The following PAGR1 variants were observed in gnomAD, a reference collection of about 807,000 sequenced individuals.
PAGR1 encodes the protein PAXIP1-associated glutamate-rich protein 1.
In PAGR1, 20 loss-of-function variants were observed where a neutral mutation model predicts 22.4. That is an observed-to-expected ratio of 0.89 (90% CI 0.63 to 1.30). The LOEUF (loss-of-function observed/expected upper bound fraction) is 1.30. PAGR1 is among the 50% of genes most tolerant of loss of function. The probability of loss-of-function intolerance (pLI) is 0.00; values close to 1 mark genes in which losing one functional copy is unlikely to be tolerated. For missense variants in PAGR1, 338 were observed against 343.6 expected (o/e 0.98, Z 0.13); for synonymous variants, 161 against 148.3 (o/e 1.09, Z -0.62).
chr16:29,817,222 C>A lies in PAGR1; in HGVS notation c.495C>A (p.Pro165=). 2 of 1,614,038 alleles carry A rather than the reference C, an allele frequency of 1.2e-6. No individual in the cohort carries two copies. The highest frequency in any genetic ancestry group is 1.7e-6 in the Non-Finnish European group (2 of 1,179,988). ...KEEEEEKPHM[P]TEFDFDDEPV... ...TCACCTGTCCCAGACCACACATGCC[C>A]ACGGAATTTGATTTTGATGATGAGC... The change falls in exon 2 of 3, where the codon CCC becomes CCA. Residue 165 remains proline (P), a synonymous_variant. Coordinates refer to ENST00000320330, the MANE Select transcript of PAGR1 (RefSeq NM_024516.4).
In PAGR1 at chr16:29,822,229, T is replaced by G. The variant is rs755164361; in HGVS notation, c.*2475T>G. On this transcript the variant is annotated 3_prime_UTR_variant, in exon 3 of 3. Coordinates refer to ENST00000320330, the MANE Select transcript of PAGR1 (RefSeq NM_024516.4). Reference sequence around the variant, plus strand: ...CGGTTCTTGCCTCTGGTGACTGGTGTTAATTGGCAGGAGTGGGAGGAGGGA... The same window carrying G: ...CGGTTCTTGCCTCTGGTGACTGGTGGTAATTGGCAGGAGTGGGAGGAGGGA... Among the ~76,000 whole-genome samples the G allele has an allele frequency of 5.3e-5, 8 of 151,482 alleles. No homozygotes were observed. The highest frequency in any genetic ancestry group is 1.2e-4 in the Non-Finnish European group (8 of 67,890).
chr16:29,817,334 C>CGGCTCAGTTACCCA (rs775642286), intron 2 of PAGR1, 42 bp downstream of exon 2: 1 of 1,597,664 alleles, frequency 6.3e-7, no homozygotes, highest in East Asian at 2.3e-5. Context: ...TGAAGGGCCT[C>CGGCTCAGTTACCCA]GGCTCAGTTA....
Position 29,816,452 on chromosome 16 carries a change from G to T in PAGR1, c.-74G>T, listed in dbSNP as rs1256905658. ...CTGGAAACGGTCCCGAACCCCCAGG[G>T]GAGCCCGATCCCTGGGGGACCCTGG... On this transcript the variant is annotated 5_prime_UTR_variant, in exon 1 of 3. Coordinates refer to ENST00000320330, the MANE Select transcript of PAGR1 (RefSeq NM_024516.4). The T allele has an allele frequency of 7.3e-7, 1 of 1,370,282 alleles. No homozygotes were observed. Among genetic ancestry groups the T allele is most frequent in the African/African-American group, 1.5e-5 (1 of 68,540 alleles). The allele number at this position is 1,370,282 out of a possible 1,614,324, so 84.9% of individuals were successfully genotyped here.
intron 1 of PAGR1, 54 bp from the exon 2 acceptor site, chr16:29,817,156 G>A (rs1335313950): frequency 1.2e-6 from 2 of 1,612,224 alleles, no homozygotes; most frequent in Non-Finnish European, 8.5e-7. Context: ...AGAAGCACAC[G>A]TGTGGGTGGG....
At position 29,820,674 on chromosome 16, in the gene PAGR1, C is replaced by T. The variant is rs1487174436; in HGVS notation, c.*920C>T. Among the ~76,000 whole-genome samples the T allele has an allele frequency of 6.6e-6, 1 of 152,122 alleles. No homozygotes were observed. The highest frequency in any genetic ancestry group is 1.5e-5 in the Non-Finnish European group (1 of 68,026). On this transcript the variant is annotated 3_prime_UTR_variant, in exon 3 of 3. Transcript: ENST00000320330. ...GGAAGGAGGATGGGTGGTGGCTTTG[C>T]TTTTGGAGGTTTCACTTTCCAATAG...
intron 1 of PAGR1, 30 bp from the exon 2 acceptor site, chr16:29,817,180 C>T: frequency 6.2e-7 from 1 of 1,613,832 alleles, no homozygotes; most frequent in Non-Finnish European, 8.5e-7. Context: ...GAGGACCGCC[C>T]TCACCCTTAA....
At chr16:29,819,339 T>G in intron 2 of PAGR1, 1 of 588,098 alleles carries the variant, frequency 1.7e-6, no homozygotes, top group South Asian at 2.1e-5. Flanking sequence ...GCCCAGTATG[T>G]TCCTCCCTGT....
intron 2 of PAGR1, chr16:29,818,156 C>G (rs1900286854): frequency 6.6e-6 from 1 of 152,256 alleles, no homozygotes; most frequent in Non-Finnish European, 1.5e-5. Flanking sequence ...ACCCCACATG[C>G]CTTCCTAGAA....
intron 2 of PAGR1, chr16:29,819,321 A>G: frequency 1.8e-6 from 1 of 548,966 alleles, no homozygotes; most frequent in Non-Finnish European, 3.3e-6. Flanking sequence ...TACCCTTGCC[A>G]TTCCCCTGCC....
chr16:29,817,014 G>C lies in PAGR1; in HGVS notation c.482+7G>C, dbSNP rs746218396. The C allele has an allele frequency of 6.4e-7, 1 of 1,564,074 alleles. No individual in the cohort carries two copies. The highest frequency in any genetic ancestry group is 1.2e-5 in the South Asian group (1 of 85,878). Reference sequence around the variant, plus strand: ...AAGAAGAGGAAGAGGAAAAGTAAAGGCACACCCTTACACCTTGTCCCGGGG... The same window carrying C: ...AAGAAGAGGAAGAGGAAAAGTAAAGCCACACCCTTACACCTTGTCCCGGGG... On this transcript the variant is annotated splice_region_variant and intron_variant, in intron 1 of 2. Transcript: ENST00000320330.
At position 29,816,444 on chromosome 16, in the gene PAGR1, C is replaced by T. The variant is rs370065976; in HGVS notation, c.-82C>T. On this transcript the variant is annotated 5_prime_UTR_variant, in exon 1 of 3. Coordinates refer to ENST00000320330, the MANE Select transcript of PAGR1 (RefSeq NM_024516.4). ...GTGATTGGCTGGAAACGGTCCCGAA[C>T]CCCCAGGGGAGCCCGATCCCTGGGG... The T allele has an allele frequency of 3.0e-6, 4 of 1,320,066 alleles. No homozygotes were observed. Among genetic ancestry groups the T allele is most frequent in the East Asian group, 5.5e-5 (2 of 36,426 alleles). The allele number at this position is 1,320,066 out of a possible 1,614,324, so 81.8% of individuals were successfully genotyped here.
At position 29,822,190 on chromosome 16, in the gene PAGR1, G is replaced by T. The variant is rs1224789146; in HGVS notation, c.*2436G>T. Among the ~76,000 whole-genome samples, 12 of 151,556 alleles carry T rather than the reference G, an allele frequency of 7.9e-5. No individual in the cohort carries two copies. The highest frequency in any genetic ancestry group is 1.8e-4 in the Non-Finnish European group (12 of 67,900). On this transcript the variant is annotated 3_prime_UTR_variant, in exon 3 of 3. Coordinates refer to ENST00000320330, the MANE Select transcript of PAGR1 (RefSeq NM_024516.4). ...GTGCTGAAGCCTGGTTCCTGGGGTC[G>T]CTTCTGATCTAGGCGGTTCTTGCCT...
chr16:29,817,037 G>A, intron 1 of PAGR1, 30 bp downstream of exon 1: 1 of 1,554,662 alleles, frequency 6.4e-7, no homozygotes, highest in African/African-American at 1.4e-5. Context: ...CCTTGTCCCG[G>A]GGCTGCTCCC....
At chr16:29,818,559 A>G (rs1447539513) in intron 2 of PAGR1, 1 of 152,086 alleles carries the variant, frequency 6.6e-6, no homozygotes, top group Non-Finnish European at 1.5e-5. Context: ...TAAAACATAA[A>G]TCATATCACT....
In PAGR1 at chr16:29,816,505, G is replaced by C; in HGVS notation, c.-21G>C. 6.8e-7 allele frequency: 1 copy of C among 1,476,508 alleles called. No homozygotes were observed. The allele number at this position is 1,476,508 out of a possible 1,614,324, so 91.5% of individuals were successfully genotyped here. On this transcript the variant is annotated 5_prime_UTR_variant, in exon 1 of 3. Transcript: ENST00000320330. ...TCGGACTCCAGTATCTGTCGTCGCAGGGTCCCTGCCCTAGTGGCCTATGTC... is the reference window on the plus strand; with the variant it reads ...TCGGACTCCAGTATCTGTCGTCGCACGGTCCCTGCCCTAGTGGCCTATGTC...
chr16:29,816,976 G>A lies in PAGR1; in HGVS notation c.451G>A (p.Glu151Lys). 6.4e-7 allele frequency: 1 copy of A among 1,569,044 alleles called. No homozygotes were observed. Among genetic ancestry groups the A allele is most frequent in the South Asian group, 1.2e-5 (1 of 86,174 alleles). ...GAGCGAAGAGGAGAGATCCGATGAG[G>A]AGCCGGAGGCCAAAGAAGAGGAAGA... ...AQSEEERSDE[E>K]PEAKEEEEEK... Residue 151 changes from glutamate (E) to lysine (K), a missense_variant, in exon 1 of 3, where the codon GAG becomes AAG. Coordinates refer to ENST00000320330, the MANE Select transcript of PAGR1 (RefSeq NM_024516.4).
At chr16:29,817,117 G>A in intron 1 of PAGR1, 93 bp from the exon 2 acceptor site, 1 of 1,547,286 alleles carries the variant, frequency 6.5e-7, no homozygotes, top group South Asian at 1.1e-5. Context: ...AGGGAGGGAA[G>A]CCAGCGGGGG....
chr16:29,819,005 C>T (rs1444797285), intron 2 of PAGR1, among the ~76,000 whole-genome samples: 1 of 151,608 alleles, frequency 6.6e-6, no homozygotes, highest in Non-Finnish European at 1.5e-5. Flanking sequence ...TTGTTTTTGG[C>T]GAGTAGGGGA....
In PAGR1 at chr16:29,819,736, T is replaced by A; in HGVS notation, c.747T>A (p.Pro249=). 1 of 1,611,686 alleles carries A rather than the reference T, an allele frequency of 6.2e-7. No homozygotes were observed. Among genetic ancestry groups the A allele is most frequent in the Non-Finnish European group, 8.5e-7 (1 of 1,178,556 alleles). The change falls in exon 3 of 3, where the codon CCT becomes CCA. Residue 249 remains proline, a synonymous_variant. Coordinates refer to ENST00000320330, the MANE Select transcript of PAGR1 (RefSeq NM_024516.4). ...PLRSSGSSLF[P]RQRKY ...GATCCTCCGGGAGTAGTCTCTTCCC[T>A]CGGCAGCGGAAATACTGATTCCCAC...
Sources: gnomAD v4.1 joint callset for allele counts (sites outside exome capture counted in the v4.1 genomes callset) on GRCh38, gnomAD v4.1.1 for gene constraint, MANE v1.5 for transcripts, NCBI Gene and HGNC (gene_info 2026-07-23, HGNC 2026-07-21) for gene names.